The following RBP3 variants were observed in gnomAD, a reference collection of about 807,000 sequenced individuals.
RBP3 encodes retinol binding protein 3.
RBP3 carries 50 observed loss-of-function variants against 64.8 expected under a neutral mutation model. That is an observed-to-expected ratio of 0.77 (90% CI 0.61 to 0.98). The LOEUF (loss-of-function observed/expected upper bound fraction) is 0.98, where lower values mean the gene tolerates loss of function less well. Ranked by LOEUF, RBP3 falls within the 50% of genes least tolerant of loss-of-function variation. The pLI, the probability that RBP3 is intolerant of heterozygous loss-of-function variation, is 0.00. For synonymous variants in RBP3, 828 were observed against 730.2 expected (o/e 1.13, Z -2.16); for missense variants, 1,712 against 1,660.5 (o/e 1.03, Z -0.54).
rs782041794 is a variant in RBP3 at position 47,350,018 on chromosome 10, C to G, written c.1534C>G (p.Arg512Gly). 1 of 1,613,022 alleles carries G rather than the reference C, an allele frequency of 6.2e-7. No individual in the cohort carries two copies. The highest frequency in any genetic ancestry group is 1.1e-5 in the South Asian group (1 of 91,034). The change falls in exon 1 of 4, where the codon CGC (arginine) becomes GGC (glycine). Residue 512 changes from arginine (R) to glycine (G), a missense_variant. Arg to Gly is a moderately radical substitution (Grantham distance 125). Transcript: ENST00000584701. ...GPVHLFTTYD[R>G]RTNITQEHFS... ...CGTGCACCTCTTCACCACCTATGAT[C>G]GCCGCACCAACATCACGCAGGAGCA...
chr10:47,352,204 G>A (rs565372357), intron 1 of RBP3, among the ~76,000 whole-genome samples: 63 of 152,342 alleles, frequency 4.1e-4, no homozygotes, highest in Non-Finnish European at 4.7e-4. Context: ...AGTGGGTTGG[G>A]AAGCTGACAG....
chr10:47,356,120 A>G lies in RBP3; in HGVS notation c.3388+602A>G, dbSNP rs185307763. 1.4e-3 allele frequency among the ~76,000 whole-genome samples: 206 copies of G among 152,240 alleles called. 1 individual carries two copies. The highest frequency in any genetic ancestry group is 4.8e-3 in the African/African-American group (200 of 41,532). On this transcript the variant is annotated intron_variant, in intron 3 of 3. Coordinates refer to ENST00000584701, the MANE Select transcript of RBP3 (RefSeq NM_002900.3). ...CCTGCCCAGTGTGTAAGACCAAGGA[A>G]CTTGTGCTCCTACCCAACAAGAAAG... is the stretch of plus-strand genomic sequence containing the variant.
chr10:47,348,811 A>C lies in RBP3; in HGVS notation c.327A>C (p.Ser109=), dbSNP rs1836895636. ...AAGTCCCAGCACTCACCAGCCTCTC[A>C]GAAGAGGAACTGCTTGCCTGGCTGC... ...PPQVPALTSL[S]EEELLAWLQR... is the part of the protein sequence containing the mutation. The change falls in exon 1 of 4, where the codon TCA becomes TCC. Residue 109 remains serine, a synonymous_variant. Transcript: ENST00000584701. 1 of 1,613,694 alleles carries C rather than the reference A, an allele frequency of 6.2e-7. No individual in the cohort carries two copies. The highest frequency in any genetic ancestry group is 1.7e-5 in the Admixed American group (1 of 60,006).
At position 47,354,132 on chromosome 10, in the gene RBP3, C is replaced by A. The variant is rs138798651; in HGVS notation, c.3245+617C>A. Among the ~76,000 whole-genome samples, 812 of 152,346 alleles carry A rather than the reference C, an allele frequency of 5.3e-3. 9 individuals carry two copies. Among genetic ancestry groups the A allele is most frequent in the African/African-American group, 0.018 (740 of 41,566 alleles). ...TGTCAGAAGGATGTCTTCAGCTAGC[C>A]ACCTCCCCTCTGTTTCTGTAAAAAT... On this transcript the variant is annotated intron_variant, in intron 2 of 3. Coordinates refer to ENST00000584701, the MANE Select transcript of RBP3 (RefSeq NM_002900.3).
intron 3 of RBP3, 119 bp from the exon 4 acceptor site, chr10:47,356,983 A>G (rs1012825055): frequency 4.7e-6 from 4 of 855,082 alleles, no homozygotes; most frequent in African/African-American, 3.4e-5. Flanking sequence ...AGTGGACACA[A>G]GGACACAGAC....
In RBP3 at chr10:47,350,000, C is replaced by T. The variant is rs782498728; in HGVS notation, c.1516C>T (p.Leu506Phe). 1.9e-6 allele frequency: 3 copies of T among 1,613,092 alleles called. No homozygotes were observed. The highest frequency in any genetic ancestry group is 3.3e-5 in the Admixed American group (2 of 59,996). Residue 506 changes from leucine (L) to phenylalanine (F), a missense_variant, in exon 1 of 4, where the codon CTC becomes TTC. Coordinates refer to ENST00000584701, the MANE Select transcript of RBP3 (RefSeq NM_002900.3). ...GGGCCCTGAGGCCGGCCCCGTGCAC[C>T]TCTTCACCACCTATGATCGCCGCAC... ...FQGPEAGPVHLFTTYDRRTNI... is the reference protein window; with the variant it reads ...FQGPEAGPVHFFTTYDRRTNI...
chr10:47,351,654 G>A lies in RBP3; in HGVS notation c.3054+116G>A, dbSNP rs535572758. ...CAATGGCTTTTAGATTTGTTCTCAC[G>A]TTTAAGTTTTGACCGGTCAAGTCCT... On this transcript the variant is annotated intron_variant, in intron 1 of 3. Coordinates refer to ENST00000584701, the MANE Select transcript of RBP3 (RefSeq NM_002900.3). The A allele has an allele frequency of 4.1e-5, 55 of 1,344,632 alleles. No homozygotes were observed. The African/African-American group carries it at 5.4e-4, about 13-fold the overall frequency. 83.3% of individuals were successfully genotyped at this position (1,344,632 alleles called of 1,614,324 possible).
intron 3 of RBP3, 48 bp from the exon 4 acceptor site, chr10:47,357,054 C>T: frequency 6.4e-7 from 1 of 1,553,956 alleles, no homozygotes; most frequent in Non-Finnish European, 8.7e-7. Flanking sequence ...GACAGGTGCT[C>T]CAGGGTCCTG....
rs1264847371 is a variant in RBP3, at chr10:47,348,715, G to A, written c.231G>A (p.Gly77=). 6.8e-6 allele frequency: 11 copies of A among 1,613,588 alleles called. No individual in the cohort carries two copies. Among genetic ancestry groups the A allele is most frequent in the Non-Finnish European group, 8.5e-6 (10 of 1,180,014 alleles). The change falls in exon 1 of 4, where the codon GGG becomes GGA. Residue 77 remains glycine, a synonymous_variant. Coordinates refer to ENST00000584701, the MANE Select transcript of RBP3 (RefSeq NM_002900.3). ...CGCTGGCCAGTGTGCTGACAGCCGG[G>A]GTGCAGAGCTCCCTGAACGATCCTC... ...PQTLASVLTA[G]VQSSLNDPRL... is the part of the protein sequence containing the mutation.
chr10:47,357,517 G>T lies in RBP3; in HGVS notation c.*60G>T. Reference sequence around the variant, plus strand: ...AGAACCTCTGGGACACACACCAAGGGCACTCCTGCAGGTGGCCCGGCCTGA... The same window carrying T: ...AGAACCTCTGGGACACACACCAAGGTCACTCCTGCAGGTGGCCCGGCCTGA... On this transcript the variant is annotated 3_prime_UTR_variant, in exon 4 of 4. Coordinates refer to ENST00000584701, the MANE Select transcript of RBP3 (RefSeq NM_002900.3). The T allele has an allele frequency of 6.7e-7, 1 of 1,500,234 alleles. No individual in the cohort carries two copies. The highest frequency in any genetic ancestry group is 9.1e-7 in the Non-Finnish European group (1 of 1,103,066). The allele number at this position is 1,500,234 out of a possible 1,614,324, so 92.9% of individuals were successfully genotyped here.
Position 47,349,678 on chromosome 10 carries a change from G to A in RBP3, c.1194G>A (p.Trp398Ter). 1 of 1,611,640 alleles carries A rather than the reference G, an allele frequency of 6.2e-7. No homozygotes were observed. Among genetic ancestry groups the A allele is most frequent in the Non-Finnish European group, 8.5e-7 (1 of 1,180,022 alleles). ...TCGGGCCCACAGAAACTCCTTCTTGGCCCGCGCCCGACGCTGCAGCCGAAG... is the reference window on the plus strand; with the variant it reads ...TCGGGCCCACAGAAACTCCTTCTTGACCCGCGCCCGACGCTGCAGCCGAAG... ...RAIGPTETPS[W>*]PAPDAAAEDS... Residue 398 changes from tryptophan to a stop codon, truncating the protein, a stop_gained, in exon 1 of 4, where the codon TGG becomes TGA. Coordinates refer to ENST00000584701, the MANE Select transcript of RBP3 (RefSeq NM_002900.3). LOFTEE classifies it high-confidence loss of function.
rs1836970058 is a variant in RBP3 at position 47,351,326 on chromosome 10, G to A, written c.2842G>A (p.Val948Met). ...GGTGCTGCAGACGGCCGGGAAGCTG[G>A]TGGCTGATAACTATGCCTCTGCCGA... ...PTVLQTAGKLVADNYASAELG... is the reference protein window; with the variant it reads ...PTVLQTAGKLMADNYASAELG... Residue 948 changes from valine (V) to methionine (M), a missense_variant, in exon 1 of 4, where the codon GTG (valine) becomes ATG (methionine). By Grantham distance (21) the Val-to-Met change is conservative. Coordinates refer to ENST00000584701, the MANE Select transcript of RBP3 (RefSeq NM_002900.3). 3 of 1,613,558 alleles carry A rather than the reference G, an allele frequency of 1.9e-6. No individual in the cohort carries two copies. Among genetic ancestry groups the A allele is most frequent in the African/African-American group, 1.3e-5 (1 of 75,078 alleles).
chr10:47,354,734 G>A (rs972089900), intron 2 of RBP3, among the ~76,000 whole-genome samples: 9 of 152,236 alleles, frequency 5.9e-5, no homozygotes, highest in East Asian at 3.9e-4. Context: ...CACAGGCCCC[G>A]AACCCAGCCA....
In RBP3 at chr10:47,351,019, C is replaced by T; in HGVS notation, c.2535C>T (p.Ser845=). The change falls in exon 1 of 4, where the codon AGC becomes AGT. Residue 845 remains serine, a synonymous_variant. Transcript: ENST00000584701. ...ACAAGGACCTCTACATCCTGATGAG[C>T]CACACCAGTGGCTCTGCGGCCGAGG... ...GSHKDLYILM[S]HTSGSAAEAF... is the part of the protein sequence containing the mutation. The T allele has an allele frequency of 6.2e-7, 1 of 1,610,856 alleles. No homozygotes were observed. The highest frequency in any genetic ancestry group is 8.5e-7 in the Non-Finnish European group (1 of 1,179,874).
At position 47,349,820 on chromosome 10, in the gene RBP3, A is replaced by G; in HGVS notation, c.1336A>G (p.Ser446Gly). ...PGNVGYLRFD[S>G]FADASVLGVL... is the part of the protein sequence containing the mutation. ...CAATGTGGGCTACCTGCGCTTCGAT[A>G]GTTTTGCTGACGCCTCCGTCCTGGG... Residue 446 changes from serine (S) to glycine (G), a missense_variant, in exon 1 of 4, where the codon AGT (serine) becomes GGT (glycine). Physicochemically the swap from Ser to Gly is moderately conservative, Grantham distance 56. Coordinates refer to ENST00000584701, the MANE Select transcript of RBP3 (RefSeq NM_002900.3). The G allele has an allele frequency of 3.1e-6, 5 of 1,613,156 alleles. No homozygotes were observed. The highest frequency in any genetic ancestry group is 4.2e-6 in the Non-Finnish European group (5 of 1,180,014).
At chr10:47,353,087 A>G (rs115725106) in intron 1 of RBP3, among the ~76,000 whole-genome samples, 2,552 of 152,174 alleles carry the variant, frequency 0.017, 86 homozygotes, top group African/African-American at 0.059. Flanking sequence ...TCAGGACACC[A>G]GGGCATGTGG....
Position 47,357,238 on chromosome 10 carries a change from C to T in RBP3, c.3525C>T (p.Cys1175=), listed in dbSNP as rs782214435. 39 of 1,613,930 alleles carry T rather than the reference C, an allele frequency of 2.4e-5. No homozygotes were observed. Among genetic ancestry groups the T allele is most frequent in the Non-Finnish European group, 2.5e-6 (3 of 1,180,040 alleles). ...TTGGGGAGGTGACCAGTGGGGGCTG[C>T]CAGCCACCACAGACCTACCACGTGG... The part of the protein sequence containing the change: ...LVIGEVTSGG[C]QPPQTYHVDD... The change falls in exon 4 of 4, where the codon TGC becomes TGT. Residue 1175 remains cysteine (C), a synonymous_variant. Transcript: ENST00000584701.
In RBP3 at chr10:47,348,773, G is replaced by A. The variant is rs782814427; in HGVS notation, c.289G>A (p.Glu97Lys). 5.0e-6 allele frequency: 8 copies of A among 1,613,600 alleles called. No individual in the cohort carries two copies. The highest frequency in any genetic ancestry group is 1.3e-5 in the African/African-American group (1 of 75,022). The change falls in exon 1 of 4, where the codon GAG (glutamate) becomes AAG (lysine). Residue 97 changes from glutamate (E) to lysine (K), a missense_variant. By Grantham distance (56) the Glu-to-Lys change is moderately conservative. Coordinates refer to ENST00000584701, the MANE Select transcript of RBP3 (RefSeq NM_002900.3). ...CATCTCCTATGAGCCCAGCACCCCC[G>A]AGCCTCCCCCACAAGTCCCAGCACT... The part of the protein sequence containing the change: ...LVISYEPSTP[E>K]PPPQVPALTS...
chr10:47,355,828 A>G (rs1305402032), intron 3 of RBP3, among the ~76,000 whole-genome samples: 4 of 152,162 alleles, frequency 2.6e-5, no homozygotes, highest in African/African-American at 9.7e-5. Flanking sequence ...TTAGCACCAT[A>G]ATCACCAGCC....
Sources: gnomAD v4.1 joint callset for allele counts (sites outside exome capture counted in the v4.1 genomes callset) on GRCh38, gnomAD v4.1.1 for gene constraint, MANE v1.5 for transcripts, NCBI Gene and HGNC (gene_info 2026-07-23, HGNC 2026-07-21) for gene names.